ADGRL2: variants seen among roughly 807,000 people sequenced by gnomAD.
ADGRL2 encodes calcium-independent alpha-latrotoxin receptor 2.
In ADGRL2, 44 loss-of-function variants were observed where a neutral mutation model predicts 157.4. The observed-to-expected ratio is 0.28, with a 90% CI of 0.22 to 0.36. The LOEUF is 0.36. Among genes scored for constraint, ADGRL2 ranks in the 10% least tolerant of loss-of-function variants. The pLI is 1.00. For missense variants in ADGRL2, 1,510 were observed against 1,768.9 expected, an observed-to-expected ratio of 0.85 and a Z score of 2.63; for synonymous variants, 585 against 624.7, an observed-to-expected ratio of 0.94 and a Z score of 0.95.
intron 3 of ADGRL2, chr1:81,586,517 A>G (rs977901736): frequency 6.6e-6 from 1 of 152,168 alleles, no homozygotes; most frequent in African/African-American, 2.4e-5. Flanking sequence ...GATCACTAAT[A>G]CAACTTTTAA....
At chr1:81,363,917 T>C (rs1441795034) in intron 1 of ADGRL2, among the ~76,000 whole-genome samples, 1 of 152,192 alleles carries the variant, frequency 6.6e-6, no homozygotes. Context: ...ATATCTACTG[T>C]ATGAATGTGT....
intron 2 of ADGRL2, among the ~76,000 whole-genome samples, chr1:81,494,638 C>G (rs555951546): frequency 1.6e-4 from 25 of 152,228 alleles, no homozygotes. Flanking sequence ...TGATTACCAA[C>G]CAGTCCATCA....
At chr1:81,957,589 TC>T (rs944534838) in intron 11 of ADGRL2, among the ~76,000 whole-genome samples, 5 of 152,006 alleles carry the variant, frequency 3.3e-5, no homozygotes, top group Admixed American at 6.6e-5. Flanking sequence ...ATGCCTGTAG[TC>T]CCAGCTACTG....
chr1:81,887,744 G>A (rs1447316020), intron 2 of ADGRL2, among the ~76,000 whole-genome samples: 2 of 152,054 alleles, frequency 1.3e-5, no homozygotes, highest in Non-Finnish European at 2.9e-5. Flanking sequence ...AGAGGAGAAA[G>A]GTGCAAGACT....
chr1:81,846,793 A>G (rs189036641), intron 2 of ADGRL2, among the ~76,000 whole-genome samples: 2 of 152,100 alleles, frequency 1.3e-5, no homozygotes, highest in East Asian at 1.9e-4. Context: ...GTAGGTTAAT[A>G]CAAGTCAGAG....
chr1:81,424,102 A>C (rs575292815), intron 1 of ADGRL2, among the ~76,000 whole-genome samples: 12 of 152,306 alleles, frequency 7.9e-5, no homozygotes, highest in Admixed American at 7.2e-4. Flanking sequence ...TAATTTTGTC[A>C]CTGAACATTC....
At chr1:81,763,920 C>T (rs965860896) in intron 2 of ADGRL2, among the ~76,000 whole-genome samples, 3 of 151,986 alleles carry the variant, frequency 2.0e-5, no homozygotes, top group Non-Finnish European at 2.9e-5. Context: ...GCAGGGGGAT[C>T]GCTTGAACCC....
chr1:81,838,785 C>T (rs1045377729), intron 2 of ADGRL2, among the ~76,000 whole-genome samples: 1 of 152,070 alleles, frequency 6.6e-6, no homozygotes, highest in South Asian at 2.1e-4. Context: ...TGAGATACTG[C>T]AGCTTTATTT....
chr1:81,553,423 G>A (rs952130294), intron 2 of ADGRL2, among the ~76,000 whole-genome samples: 1 of 152,138 alleles, frequency 6.6e-6, no homozygotes, highest in Non-Finnish European at 1.5e-5. Context: ...CTTCAGAAGA[G>A]GTCTATAGAA....
intron 1 of ADGRL2, among the ~76,000 whole-genome samples, chr1:81,330,920 T>C (rs977668454): frequency 1.3e-5 from 2 of 152,188 alleles, no homozygotes; most frequent in Non-Finnish European, 2.9e-5. Flanking sequence ...ACTATGACTG[T>C]TAACATTTTA....
intron 3 of ADGRL2, among the ~76,000 whole-genome samples, chr1:81,628,393 T>C (rs1008438587): frequency 3.3e-5 from 5 of 152,162 alleles, no homozygotes; most frequent in African/African-American, 9.7e-5. Context: ...TTTCTTATGG[T>C]CCTGTGGCAT....
At chr1:81,961,621 C>T (rs1006662486) in intron 11 of ADGRL2, among the ~76,000 whole-genome samples, 1 of 151,224 alleles carries the variant, frequency 6.6e-6, no homozygotes, top group Non-Finnish European at 1.5e-5. Flanking sequence ...GATTCACCTG[C>T]CTCAGCCTCC....
At chr1:81,951,695 G>A (rs937631706) in intron 8 of ADGRL2, among the ~76,000 whole-genome samples, 3 of 152,070 alleles carry the variant, frequency 2.0e-5, no homozygotes, top group Non-Finnish European at 4.4e-5. Flanking sequence ...AGTGAAATGA[G>A]AGAACTGGCT....
intron 1 of ADGRL2, among the ~76,000 whole-genome samples, chr1:81,341,458 T>G (rs890295153): frequency 6.7e-6 from 1 of 150,148 alleles, no homozygotes; most frequent in African/African-American, 2.5e-5. Context: ...TTTTTTTTTT[T>G]GTTTTTTTAT....
intron 1 of ADGRL2, among the ~76,000 whole-genome samples, chr1:81,342,894 C>G (rs1241518403): frequency 6.6e-6 from 1 of 151,972 alleles, no homozygotes; most frequent in East Asian, 1.9e-4. Context: ...ATCCCAACAC[C>G]AGTGTTTTCC....
chr1:81,635,298 C>G (rs1336220328), intron 3 of ADGRL2, among the ~76,000 whole-genome samples: 2 of 152,166 alleles, frequency 1.3e-5, no homozygotes, highest in East Asian at 3.9e-4. Flanking sequence ...CAGTCTTTAT[C>G]TCAGGGTCTA....
At chr1:81,827,341 C>A (rs190431740) in intron 1 of ADGRL2, among the ~76,000 whole-genome samples, 1 of 152,300 alleles carries the variant, frequency 6.6e-6, no homozygotes, top group East Asian at 1.9e-4. Flanking sequence ...TTACCAGCAG[C>A]TCTTCGAAAC....
At chr1:81,318,604 C>A (rs567449110) in intron 1 of ADGRL2, among the ~76,000 whole-genome samples, 59 of 152,232 alleles carry the variant, frequency 3.9e-4, no homozygotes, top group African/African-American at 1.3e-3. Flanking sequence ...CTACTAGTTG[C>A]AAAAGTAACC....
intron 2 of ADGRL2, among the ~76,000 whole-genome samples, chr1:81,790,474 T>G (rs2087280315): frequency 6.6e-6 from 1 of 152,354 alleles, no homozygotes; most frequent in East Asian, 1.9e-4. Context: ...CCTACAAAAA[T>G]ATTTCAATTA....
Sources: gnomAD v4.1 joint callset for allele counts (sites outside exome capture counted in the v4.1 genomes callset) on GRCh38, gnomAD v4.1.1 for gene constraint, MANE v1.5 for transcripts, NCBI Gene and HGNC (gene_info 2026-07-23, HGNC 2026-07-21) for gene names.